LINGO2: variants seen among roughly 807,000 people sequenced by gnomAD.
The protein encoded by LINGO2 is leucine-rich repeat and immunoglobulin-like domain-containing nogo receptor-interacting protein 2.
A neutral mutation model predicts 30.6 loss-of-function variants in LINGO2; 14 were observed. That is an observed-to-expected ratio of 0.46 (90% confidence interval 0.30 to 0.72). LINGO2 has a LOEUF of 0.72. Among genes scored for constraint, LINGO2 ranks in the 30% least tolerant of loss-of-function variants. The probability of loss-of-function intolerance (pLI) is 0.07; values close to 1 mark genes in which losing one functional copy is unlikely to be tolerated. For synonymous variants in LINGO2, 317 were observed against 288.5 expected (o/e 1.10, Z -1.00); for missense variants, 729 against 751.7 (o/e 0.97, Z 0.35).
intron 1 of LINGO2, among the ~76,000 whole-genome samples, chr9:28,547,293 T>C (rs1257376841): frequency 2.0e-5 from 3 of 152,100 alleles, no homozygotes. Context: ...AGTAGATACA[T>C]TTACAGAAAC....
the LINGO2 span, among the ~76,000 whole-genome samples, chr9:28,761,332 C>T: frequency 6.6e-6 from 1 of 151,764 alleles, no homozygotes; most frequent in Non-Finnish European, 1.5e-5. Flanking sequence ...ATCATTTTGT[C>T]AGTTAGCTGA....
chr9:29,177,633 T>C, the LINGO2 span, among the ~76,000 whole-genome samples: 1 of 152,222 alleles, frequency 6.6e-6, no homozygotes, highest in Non-Finnish European at 1.5e-5. Context: ...AAGAAGATTT[T>C]ATGTTTTTAC....
At chr9:28,523,908 A>G (rs1460554571) in intron 1 of LINGO2, among the ~76,000 whole-genome samples, 1 of 150,058 alleles carries the variant, frequency 6.7e-6, no homozygotes. Context: ...TTTTTTTTTT[A>G]ATTCAAAATT....
chr9:28,833,313 G>A, the LINGO2 span, among the ~76,000 whole-genome samples: 1 of 152,150 alleles, frequency 6.6e-6, no homozygotes, highest in African/African-American at 2.4e-5. Context: ...GTTCTCTATA[G>A]TACCTTTTAG....
At chr9:28,699,825 C>A in the LINGO2 span, among the ~76,000 whole-genome samples, 3,872 of 151,872 alleles carry the variant, frequency 0.025, 80 homozygotes, top group Non-Finnish European at 0.041. Context: ...TGAGATAAGC[C>A]CTGGTCTCCT....
chr9:28,304,491 T>G (rs1824268654), intron 3 of LINGO2, among the ~76,000 whole-genome samples: 1 of 151,954 alleles, frequency 6.6e-6, no homozygotes, highest in African/African-American at 2.4e-5. Context: ...AAACCAACAC[T>G]TAAATCAGGA....
At chr9:29,049,859 G>C in the LINGO2 span, among the ~76,000 whole-genome samples, 10 of 152,040 alleles carry the variant, frequency 6.6e-5, no homozygotes, top group Non-Finnish European at 1.5e-5. Context: ...AACATAGAAA[G>C]AATAAATAAG....
chr9:28,428,568 C>T (rs962822171), intron 2 of LINGO2, among the ~76,000 whole-genome samples: 9 of 152,058 alleles, frequency 5.9e-5, no homozygotes, highest in Admixed American at 4.6e-4. Flanking sequence ...GGCAATGCAG[C>T]GGGGTTTTCA....
the LINGO2 span, among the ~76,000 whole-genome samples, chr9:28,993,959 A>C: frequency 2.0e-5 from 3 of 151,292 alleles, no homozygotes; most frequent in African/African-American, 7.3e-5. Flanking sequence ...AAGTGGCACA[A>C]GACAGGGATG....
At chr9:28,819,224 C>T in the LINGO2 span, among the ~76,000 whole-genome samples, 120,286 of 152,016 alleles carry the variant, frequency 0.79, 47,665 homozygotes, top group East Asian at 0.9. Flanking sequence ...TGTCAACCTC[C>T]TCGCTCTTGC....
chr9:28,868,687 T>C, the LINGO2 span, among the ~76,000 whole-genome samples: 25 of 152,140 alleles, frequency 1.6e-4, no homozygotes, highest in Admixed American at 1.5e-3. Context: ...CTTTCAGTGC[T>C]TATTATTTCT....
chr9:28,351,984 A>G (rs1483421980), intron 3 of LINGO2, among the ~76,000 whole-genome samples: 8 of 151,720 alleles, frequency 5.3e-5, no homozygotes, highest in Admixed American at 5.2e-4. Flanking sequence ...TAAATTAGGT[A>G]TTGCTGGGAT....
chr9:28,909,419 T>C, the LINGO2 span, among the ~76,000 whole-genome samples: 2 of 151,980 alleles, frequency 1.3e-5, no homozygotes, highest in African/African-American at 4.8e-5. Context: ...TTTTCCCTGA[T>C]TTCTGCTTAG....
At position 28,605,494 on chromosome 9, in the gene LINGO2, T is replaced by C. The variant is rs73644084; in HGVS notation, c.-365+64706A>G. ...CTCATGACAGACTTTATTTTCTTCA[T>C]TTTAATGTAACTATTTATATAAATA... On this transcript the variant is annotated intron_variant, in intron 1 of 5. Transcript: ENST00000379992. Among the ~76,000 whole-genome samples, 491 of 152,178 alleles carry C rather than the reference T, an allele frequency of 3.2e-3. 1 individual carries two copies. The highest frequency in any genetic ancestry group is 0.011 in the African/African-American group (468 of 41,542).
chr9:28,145,717 AAG>A (rs1328143210), intron 4 of LINGO2, among the ~76,000 whole-genome samples: 2 of 152,002 alleles, frequency 1.3e-5, no homozygotes, highest in Non-Finnish European at 2.9e-5. Flanking sequence ...AATTTGAACC[AAG>A]AGTCATTAAG....
chr9:28,032,996 C>A (rs1823756482), intron 4 of LINGO2, among the ~76,000 whole-genome samples: 1 of 152,178 alleles, frequency 6.6e-6, no homozygotes, highest in Non-Finnish European at 1.5e-5. Context: ...ATATGAAATC[C>A]TTGCGGCTCT....
intron 2 of LINGO2, among the ~76,000 whole-genome samples, chr9:28,399,982 G>T (rs1407264478): frequency 6.6e-6 from 1 of 152,058 alleles, no homozygotes; most frequent in Non-Finnish European, 1.5e-5. Context: ...AAAACGAATG[G>T]TCTATGGTGT....
chr9:28,542,213 T>G (rs1026334839), intron 1 of LINGO2, among the ~76,000 whole-genome samples: 1 of 151,480 alleles, frequency 6.6e-6, no homozygotes, highest in African/African-American at 2.4e-5. Context: ...CACTCACTTA[T>G]CAGGTGCTGG....
chr9:28,160,021 A>G (rs1828241472), intron 4 of LINGO2, among the ~76,000 whole-genome samples: 1 of 152,126 alleles, frequency 6.6e-6, no homozygotes, highest in African/African-American at 2.4e-5. Context: ...ACATGAGTTC[A>G]TTGTTTCTGT....
Sources: gnomAD v4.1 joint callset for allele counts (sites outside exome capture counted in the v4.1 genomes callset) on GRCh38, gnomAD v4.1.1 for gene constraint, MANE v1.5 for transcripts, NCBI Gene and HGNC (gene_info 2026-07-23, HGNC 2026-07-21) for gene names.